Variants in PDE6B observed in about 807,000 individuals in gnomAD.
PDE6B encodes the protein rod cGMP-specific 3',5'-cyclic phosphodiesterase subunit beta.
In PDE6B, 106 loss-of-function variants were observed where a neutral mutation model predicts 109.0. The ratio of observed to expected loss-of-function variants is 0.97; its 90% CI spans 0.83 to 1.14. The LOEUF (loss-of-function observed/expected upper bound fraction) is 1.14, where lower values mean the gene tolerates loss of function less well. Ranked by LOEUF, PDE6B falls within the 50% of genes most tolerant of loss-of-function variation. The pLI is 0.00. For synonymous variants in PDE6B, 490 were observed against 471.3 expected, an observed-to-expected ratio of 1.04 and a Z score of -0.51; for missense variants, 1,193 against 1,155.6, an observed-to-expected ratio of 1.03 and a Z score of -0.47.
chr4:627,893 C>T (rs748666444), intron 1 of PDE6B, among the ~76,000 whole-genome samples: 8 of 151,996 alleles, frequency 5.3e-5, no homozygotes, highest in Admixed American at 3.9e-4. Flanking sequence ...CCCTGCTCTG[C>T]GGGTCCCCCT....
In PDE6B at chr4:653,225, G is replaced by A. The variant is rs530357765; in HGVS notation, c.712-627G>A. ...GGCACCATGCGGTAGAAGACCCAGCGGCCGCCGCGAGTGTGAGGAGGCAGG... is the reference window on the plus strand; with the variant it reads ...GGCACCATGCGGTAGAAGACCCAGCAGCCGCCGCGAGTGTGAGGAGGCAGG... On this transcript the variant is annotated intron_variant, in intron 3 of 21. Coordinates refer to ENST00000496514, the MANE Select transcript of PDE6B (RefSeq NM_000283.4). 18 of 1,008,444 alleles carry A rather than the reference G, an allele frequency of 1.8e-5. No homozygotes were observed. The East Asian group carries it at 5.0e-4, about 28-fold the overall frequency. The allele number at this position is 1,008,444 out of a possible 1,614,324, so 62.5% of individuals were successfully genotyped here. A position where few individuals can be genotyped will look rare whatever the true frequency, so the allele number is the denominator to read the frequency against.
At chr4:629,778 G>A (rs2109122579) in intron 1 of PDE6B, among the ~76,000 whole-genome samples, 1 of 152,362 alleles carries the variant, frequency 6.6e-6, no homozygotes, top group East Asian at 1.9e-4. Context: ...AGCACAGACG[G>A]CAGAGGAGGT....
chr4:631,223 C>T (rs1224652910), intron 1 of PDE6B, among the ~76,000 whole-genome samples: 1 of 152,190 alleles, frequency 6.6e-6, no homozygotes, highest in African/African-American at 2.4e-5. Context: ...TGGCTGTTCC[C>T]ATACTTTCTT....
Position 670,505 on chromosome 4 carries a change from G to A in PDE6B, c.*398G>A, listed in dbSNP as rs1560145206. ...TGATCACCCGCCTCAGCTTCCTGAA[G>A]TGCTGGGATTACAGGCATGAGCCAC... On this transcript the variant is annotated 3_prime_UTR_variant, in exon 22 of 22. Transcript: ENST00000496514. 1 of 247,714 alleles carries A rather than the reference G, an allele frequency of 4.0e-6. No individual in the cohort carries two copies. Among genetic ancestry groups the A allele is most frequent in the Non-Finnish European group, 8.0e-6 (1 of 124,922 alleles). 15.3% of individuals were successfully genotyped at this position (247,714 alleles called of 1,614,324 possible).
chr4:628,286 G>C (rs1385893315), intron 1 of PDE6B, among the ~76,000 whole-genome samples: 1 of 152,212 alleles, frequency 6.6e-6, no homozygotes, highest in African/African-American at 2.4e-5. Context: ...CTGAGGCAGA[G>C]CACACCTCAG....
intron 3 of PDE6B, among the ~76,000 whole-genome samples, chr4:640,563 AT>A (rs1326856457): frequency 6.6e-6 from 1 of 151,814 alleles, no homozygotes; most frequent in African/African-American, 2.4e-5. Context: ...CCAACTTAGC[AT>A]TTTTTTTCCC....
At chr4:659,538 C>T (rs60316402) in intron 11 of PDE6B, among the ~76,000 whole-genome samples, 29,957 of 150,368 alleles carry the variant, frequency 0.2, 3,585 homozygotes, top group African/African-American at 0.34. Flanking sequence ...CACACGTGGG[C>T]GTCTGCACAG....
chr4:662,334 C>A lies in PDE6B; in HGVS notation c.1722+93C>A. The A allele has an allele frequency of 1.2e-6, 1 of 851,840 alleles. No homozygotes were observed. Among genetic ancestry groups the A allele is most frequent in the Non-Finnish European group, 2.0e-6 (1 of 511,888 alleles). 52.8% of individuals were successfully genotyped at this position (851,840 alleles called of 1,614,324 possible). A position where few individuals can be genotyped will look rare whatever the true frequency, so the allele number is the denominator to read the frequency against. ...CCCGAGGGATGAGATGGGGGTCCTC[C>A]CAGGGCAGAAGGATGGAGGAGGGCA... is the stretch of plus-strand genomic sequence containing the variant. On this transcript the variant is annotated intron_variant, in intron 13 of 21. Transcript: ENST00000496514. The surrounding 1 kb of genome is among the most constrained non-coding windows in gnomAD (Gnocchi z 4.3).
In PDE6B at chr4:670,442, CAT is replaced by C. The variant is rs1738392531; in HGVS notation, c.*338_*339del. On this transcript the variant is annotated 3_prime_UTR_variant, in exon 22 of 22. Transcript: ENST00000496514. Reference sequence around the variant, plus strand: ...ATTTTCAGTACAGATGGGGTTTCACCATATTGGGCAGGCTGGTCTCGAACTCC... The same window carrying C: ...ATTTTCAGTACAGATGGGGTTTCACCATTGGGCAGGCTGGTCTCGAACTCC... 6.4e-6 allele frequency: 2 copies of C among 311,448 alleles called. No homozygotes were observed. The highest frequency in any genetic ancestry group is 6.2e-6 in the Non-Finnish European group (1 of 161,124). 19.3% of individuals were successfully genotyped at this position (311,448 alleles called of 1,614,324 possible).
Position 667,889 on chromosome 4 carries a change from A to C in PDE6B, c.2386A>C (p.Met796Leu), listed in dbSNP as rs778827937. ...TCGTTTCCACGAAGAGATCCTGCCC[A>C]TGTTCGACCGACTGCAGAACAATAG... is the stretch of plus-strand genomic sequence containing the variant. ...FSRFHEEILP[M>L]FDRLQNNRKE... Residue 796 changes from methionine to leucine, a missense_variant, in exon 21 of 22, where the codon ATG becomes CTG. Physicochemically the swap from Met to Leu is conservative, Grantham distance 15. Transcript: ENST00000496514. The C allele has an allele frequency of 6.2e-7, 1 of 1,613,308 alleles. No homozygotes were observed. The highest frequency in any genetic ancestry group is 1.1e-5 in the South Asian group (1 of 91,072).
intron 10 of PDE6B, among the ~76,000 whole-genome samples, chr4:658,063 GT>G (rs1736566758): frequency 1.1e-5 from 1 of 94,848 alleles, no homozygotes; most frequent in Non-Finnish European, 2.1e-5. Flanking sequence ...GGGGCAGGTC[GT>G]CCAGGGGTCC....
chr4:660,424 C>T (rs1736921765), intron 11 of PDE6B, 43 bp from the exon 12 acceptor site: 1 of 1,604,968 alleles, frequency 6.2e-7, no homozygotes, highest in South Asian at 1.1e-5. Context: ...CAAGTGGGGG[C>T]TGTGGCAGGC....
chr4:654,861 A>T lies in PDE6B; in HGVS notation c.965A>T (p.His322Leu). ...TACAAAGTGATCGACTACGTCCTCC[A>T]CGGCAAGGAGGAGATCAAGGTCATT... ...VFYKVIDYVL[H>L]GKEEIKVIPT... Residue 322 changes from histidine (H) to leucine (L), a missense_variant, in exon 6 of 22, where the codon CAC becomes CTC. Transcript: ENST00000496514. 6.4e-7 allele frequency: 1 copy of T among 1,570,488 alleles called. No homozygotes were observed. Among genetic ancestry groups the T allele is most frequent in the Non-Finnish European group, 8.8e-7 (1 of 1,140,200 alleles).
chr4:664,270 G>T, intron 17 of PDE6B, 49 bp downstream of exon 17: 2 of 1,025,908 alleles, frequency 1.9e-6, no homozygotes, highest in Non-Finnish European at 1.6e-6. Flanking sequence ...CGCAGGGACC[G>T]GGCCCACTCA....
At chr4:635,525 A>G (rs965161723) in intron 2 of PDE6B, among the ~76,000 whole-genome samples, 3 of 71,492 alleles carry the variant, frequency 4.2e-5, no homozygotes, top group Non-Finnish European at 7.9e-5. Flanking sequence ...CCACCTCCTT[A>G]CCTGCCTGCC....
At position 634,665 on chromosome 4, in the gene PDE6B, C is replaced by A. The variant is rs767823676; in HGVS notation, c.469-12C>A. On this transcript the variant is annotated splice_polypyrimidine_tract_variant and intron_variant, in intron 1 of 21. Transcript: ENST00000496514. ...CGACAGCCTCTTTAGCCTCTTTCCTCTCTTGCGGCAGTGCCCTCACTTCAG... is the reference window on the plus strand; with the variant it reads ...CGACAGCCTCTTTAGCCTCTTTCCTATCTTGCGGCAGTGCCCTCACTTCAG... 2 of 1,610,406 alleles carry A rather than the reference C, an allele frequency of 1.2e-6. No homozygotes were observed. Among genetic ancestry groups the A allele is most frequent in the South Asian group, 1.1e-5 (1 of 91,008 alleles).
Position 662,384 on chromosome 4 carries a change from G to A in PDE6B, c.1723-125G>A, listed in dbSNP as rs1045071206. Reference sequence around the variant, plus strand: ...AACGCCCTCTGACACCGTGCACCGCGCACCCCAGCCCTGCGGTGGTCGGAG... The same window carrying A: ...AACGCCCTCTGACACCGTGCACCGCACACCCCAGCCCTGCGGTGGTCGGAG... On this transcript the variant is annotated intron_variant, in intron 13 of 21. Coordinates refer to ENST00000496514, the MANE Select transcript of PDE6B (RefSeq NM_000283.4). This position sits in a 1 kb window ranked among gnomAD's most constrained non-coding sequence, Gnocchi z 4.3. The A allele has an allele frequency of 1.9e-5, 16 of 824,198 alleles. No homozygotes were observed. Among genetic ancestry groups the A allele is most frequent in the East Asian group, 5.3e-5 (2 of 37,798 alleles). The allele number at this position is 824,198 out of a possible 1,614,324, so 51.1% of individuals were successfully genotyped here.
Position 663,924 on chromosome 4 carries a change from C to T in PDE6B, c.2021+54C>T, listed in dbSNP as rs911632288. On this transcript the variant is annotated intron_variant, in intron 16 of 21. Coordinates refer to ENST00000496514, the MANE Select transcript of PDE6B (RefSeq NM_000283.4). This position sits in a 1 kb window ranked among gnomAD's most constrained non-coding sequence, Gnocchi z 4.0. ...GCGGGGCGGGCGGGTAGCCTGGGAC[C>T]CCCGGCAGACACGGGGGCGCAGCGG... 7.4e-7 allele frequency: 1 copy of T among 1,350,018 alleles called. No homozygotes were observed. Among genetic ancestry groups the T allele is most frequent in the Non-Finnish European group, 1.0e-6 (1 of 964,746 alleles). 83.6% of individuals were successfully genotyped at this position (1,350,018 alleles called of 1,614,324 possible). A position where few individuals can be genotyped will look rare whatever the true frequency, so the allele number is the denominator to read the frequency against.
In PDE6B at chr4:625,984, G is replaced by A; in HGVS notation, c.358G>A (p.Glu120Lys). Residue 120 changes from glutamate (E) to lysine (K), a missense_variant, in exon 1 of 22, where the codon GAG becomes AAG. Glu to Lys is a moderately conservative substitution (Grantham distance 56). Coordinates refer to ENST00000496514, the MANE Select transcript of PDE6B (RefSeq NM_000283.4). The surrounding 1 kb of genome is among the most constrained non-coding windows in gnomAD (Gnocchi z 5.0). Reference sequence around the variant, plus strand: ...CAGCGTGCAGCCGGACAGCGTCCTGGAGGACTGCCTGGTGCCCCCCGACTC... The same window carrying A: ...CAGCGTGCAGCCGGACAGCGTCCTGAAGGACTGCCTGGTGCCCCCCGACTC... Reference protein sequence around the residue: ...LFSVQPDSVLEDCLVPPDSEI... With the variant: ...LFSVQPDSVLKDCLVPPDSEI... 1 of 1,584,124 alleles carries A rather than the reference G, an allele frequency of 6.3e-7. No homozygotes were observed. Among genetic ancestry groups the A allele is most frequent in the Non-Finnish European group, 8.6e-7 (1 of 1,165,456 alleles).
Sources: gnomAD v4.1 joint callset for allele counts (sites outside exome capture counted in the v4.1 genomes callset) on GRCh38, gnomAD v4.1.1 for gene constraint, Gnocchi (gnomAD v3.1) non-coding constraint, MANE v1.5 for transcripts, NCBI Gene and HGNC (gene_info 2026-07-23, HGNC 2026-07-21) for gene names.